The following SDHA variants were observed in gnomAD, a reference collection of about 807,000 sequenced individuals.
SDHA encodes succinate dehydrogenase [ubiquinone] flavoprotein subunit, mitochondrial.
In SDHA, 48 loss-of-function variants were observed where a neutral mutation model predicts 78.4. That is an observed-to-expected ratio of 0.61 (90% confidence interval 0.49 to 0.78). SDHA has a LOEUF of 0.78. SDHA is among the 30% of genes least tolerant of loss of function. The probability of loss-of-function intolerance (pLI) is 0.00; values close to 1 mark genes in which losing one functional copy is unlikely to be tolerated. For synonymous variants in SDHA, 326 were observed against 353.9 expected (o/e 0.92, Z 0.88); for missense variants, 680 against 892.7 (o/e 0.76, Z 3.04).
chr5:254,137 C>G (rs1364305106), intron 13 of SDHA, among the ~76,000 whole-genome samples: 3 of 147,768 alleles, frequency 2.0e-5, no homozygotes, highest in African/African-American at 7.6e-5. Flanking sequence ...TTGATAAACT[C>G]TTAGGTACAT....
intron 11 of SDHA, chr5:249,204 G>A (rs1317476140): frequency 1.5e-5 from 5 of 343,640 alleles, no homozygotes; most frequent in South Asian, 1.1e-4. Flanking sequence ...AATGAAGATT[G>A]TGCTTTTAAT....
At chr5:226,181 C>T (rs1034877127) in intron 5 of SDHA, 134 bp downstream of exon 5, 8 of 979,338 alleles carry the variant, frequency 8.2e-6, no homozygotes, top group South Asian at 6.9e-5. Context: ...CAGCGTGGGG[C>T]GCATGCAGCG....
chr5:258,199 CACCCCCT>C, downstream of SDHA, among the ~76,000 whole-genome samples: 1 of 128,124 alleles, frequency 7.8e-6, no homozygotes, highest in African/African-American at 4.0e-5. Flanking sequence ...GGGTGAGCTC[CACCCCCT>C]GCCAGAGCAT....
chr5:255,380 T>C (rs1328355120), intron 14 of SDHA, among the ~76,000 whole-genome samples: 7 of 152,026 alleles, frequency 4.6e-5, no homozygotes, highest in Non-Finnish European at 4.4e-5. Flanking sequence ...AGGCCATTTC[T>C]TGATAGTGTA....
At chr5:263,984 A>C in the SDHA span, among the ~76,000 whole-genome samples, 1 of 149,018 alleles carries the variant, frequency 6.7e-6, no homozygotes. Context: ...AATGTCCATC[A>C]GTAGGGGATT....
At chr5:242,006 T>A (rs1002172998) in intron 11 of SDHA, among the ~76,000 whole-genome samples, 1 of 152,198 alleles carries the variant, frequency 6.6e-6, no homozygotes, top group Non-Finnish European at 1.5e-5. Flanking sequence ...GTGAGAATAC[T>A]AGAAGCATTC....
chr5:252,384 G>A (rs1393130054), intron 13 of SDHA, among the ~76,000 whole-genome samples: 1 of 132,880 alleles, frequency 7.5e-6, no homozygotes, highest in South Asian at 2.3e-4. Flanking sequence ...CTGCCCTGTG[G>A]AGGAAATGCC....
rs557320978 is a variant in SDHA, at chr5:235,561, G to C, written c.1260+222G>C. 31 of 594,988 alleles carry C rather than the reference G, an allele frequency of 5.2e-5. No individual in the cohort carries two copies. The South Asian group carries it at 6.0e-4, about 11-fold the overall frequency. The allele number at this position is 594,988 out of a possible 1,614,324, so 36.9% of individuals were successfully genotyped here. A position where few individuals can be genotyped will look rare whatever the true frequency, so the allele number is the denominator to read the frequency against. On this transcript the variant is annotated intron_variant, in intron 9 of 14. Transcript: ENST00000264932. ...AATTGTCAGAGATACATCATTTGCA[G>C]CTTTTTCCATTTTGTAATTACTTTC...
chr5:218,537 G>T, intron 1 of SDHA, 119 bp downstream of exon 1: 1 of 772,970 alleles, frequency 1.3e-6, no homozygotes, highest in Non-Finnish European at 1.8e-6. Context: ...CTCTGTCCCG[G>T]GATCGGGAAG....
chr5:252,810 A>AAGCCTGCCCTGTG (rs1450416652), intron 13 of SDHA, among the ~76,000 whole-genome samples: 3 of 151,196 alleles, frequency 2.0e-5, no homozygotes, highest in Admixed American at 6.6e-5. Flanking sequence ...CCACCGTTTC[A>AAGCCTGCCCTGTG]GACCTGCCCT....
intron 11 of SDHA, among the ~76,000 whole-genome samples, chr5:248,631 C>A (rs1736620832): frequency 1.3e-5 from 2 of 152,168 alleles, no homozygotes; most frequent in Admixed American, 1.3e-4. Flanking sequence ...CCTCAAAAAC[C>A]TATCTGTAAA....
rs751383247 is a variant in SDHA, at chr5:218,361, G to A, written c.6G>A (p.Ser2=). The A allele has an allele frequency of 1.4e-6, 2 of 1,461,142 alleles. No individual in the cohort carries two copies. The highest frequency in any genetic ancestry group is 2.8e-5 in the East Asian group (1 of 36,234). The allele number at this position is 1,461,142 out of a possible 1,614,324, so 90.5% of individuals were successfully genotyped here. The stretch of plus-strand genomic sequence containing the variant: ...GCGCGGCGGCAACAGCAGACATGTC[G>A]GGGGTCCGGGGCCTGTCGCGGCTGC... The part of the protein sequence containing the change: M[S]GVRGLSRLLS... The change falls in exon 1 of 15, where the codon TCG becomes TCA. Residue 2 remains serine (S), a synonymous_variant. Coordinates refer to ENST00000264932, the MANE Select transcript of SDHA (RefSeq NM_004168.4).
Position 226,000 on chromosome 5 carries a change from G to A in SDHA, c.574G>A (p.Val192Met), listed in dbSNP as rs773334818. 6.8e-6 allele frequency: 11 copies of A among 1,614,210 alleles called. No individual in the cohort carries two copies. Among genetic ancestry groups the A allele is most frequent in the Non-Finnish European group, 9.3e-6 (11 of 1,180,050 alleles). Residue 192 changes from valine (V) to methionine (M), a missense_variant, in exon 5 of 15, where the codon GTG becomes ATG. Val to Met is a conservative substitution (Grantham distance 21, BLOSUM62 1). Transcript: ENST00000264932. ...CGGGCAGGCCCATCGGTGCTGCTGT[G>A]TGGCTGATCGGACTGGCCACTCGCT... Reference protein sequence around the residue: ...KGGQAHRCCCVADRTGHSLLH... With the variant: ...KGGQAHRCCCMADRTGHSLLH...
intron 12 of SDHA, 71 bp downstream of exon 12, chr5:251,174 G>A (rs1403531744): frequency 3.7e-5 from 58 of 1,558,714 alleles, no homozygotes; most frequent in Middle Eastern, 2.3e-4. Context: ...TGTCTGTCCC[G>A]TCAGTGCTGA....
chr5:221,791 G>C (rs1222470694), intron 1 of SDHA, among the ~76,000 whole-genome samples: 1 of 152,156 alleles, frequency 6.6e-6, no homozygotes, highest in Non-Finnish European at 1.5e-5. Context: ...CCCCAGATTA[G>C]ATTTAGATTG....
At chr5:231,540 A>G (rs528106828) in intron 7 of SDHA, among the ~76,000 whole-genome samples, 93 of 148,736 alleles carry the variant, frequency 6.3e-4, no homozygotes, top group African/African-American at 2.2e-3. Context: ...AGCCTGGGCA[A>G]CAGAGTAAGA....
Position 230,741 on chromosome 5 carries a change from C to T in SDHA, c.771-135C>T, listed in dbSNP as rs73033205. The T allele has an allele frequency of 0.025, 28,546 of 1,147,566 alleles. 4,624 individuals carry two copies. The African/African-American group carries it at 0.37, about 15-fold the overall frequency. The allele number at this position is 1,147,566 out of a possible 1,614,324, so 71.1% of individuals were successfully genotyped here. Reference sequence around the variant, plus strand: ...CCCCTAGTGATATGTGTGGGGTGTGCGTGAGTAGGGGGTTGTGTGTGCACA... The same window carrying T: ...CCCCTAGTGATATGTGTGGGGTGTGTGTGAGTAGGGGGTTGTGTGTGCACA... On this transcript the variant is annotated intron_variant, in intron 6 of 14. Coordinates refer to ENST00000264932, the MANE Select transcript of SDHA (RefSeq NM_004168.4).
At position 237,923 on chromosome 5, in the gene SDHA, A is replaced by G. The variant is rs1385597157; in HGVS notation, c.1432+1324A>G. 1.5e-5 allele frequency among the ~76,000 whole-genome samples: 2 copies of G among 136,216 alleles called. 1 individual carries two copies. The highest frequency in any genetic ancestry group is 4.2e-4 in the South Asian group (2 of 4,712). The allele number at this position is 136,216 out of a possible 152,430, so 89.4% of individuals were successfully genotyped here. On this transcript the variant is annotated intron_variant, in intron 10 of 14. Coordinates refer to ENST00000264932, the MANE Select transcript of SDHA (RefSeq NM_004168.4). ...GTGATCATCGGCGAAGGCGGAGTTC[A>G]GGTCCATCGTTCCTGACGCCGCAGG... is the stretch of plus-strand genomic sequence containing the variant.
Position 235,255 on chromosome 5 carries a change from C to T in SDHA, c.1176C>T (p.Gly392=), listed in dbSNP as rs1041950. 63 of 1,613,916 alleles carry T rather than the reference C, an allele frequency of 3.9e-5. No homozygotes were observed. Among genetic ancestry groups the T allele is most frequent in the Middle Eastern group, 1.6e-4 (1 of 6,082 alleles). ...GISETAMIFA[G]VDVTKEPIPV... is the part of the protein sequence containing the mutation. ...CAGAGACAGCCATGATCTTCGCTGG[C>T]GTGGACGTCACGAAGGAGCCGATCC... Residue 392 remains glycine (G), a synonymous_variant, in exon 9 of 15, where the codon GGC becomes GGT. Coordinates refer to ENST00000264932, the MANE Select transcript of SDHA (RefSeq NM_004168.4).
Sources: allele counts gnomAD v4.1 joint callset (sites outside exome capture counted in the v4.1 genomes callset), GRCh38; gene constraint gnomAD v4.1.1; transcripts MANE v1.5; gene names NCBI Gene and HGNC (gene_info 2026-07-23, HGNC 2026-07-21).